SH3PXD2B: variants seen among roughly 807,000 people sequenced by gnomAD.
SH3PXD2B encodes SH3 and PX domain-containing protein 2B.
SH3PXD2B carries 37 observed loss-of-function variants against 73.1 expected under a neutral mutation model. The observed-to-expected ratio is 0.51, with a 90% CI of 0.39 to 0.67. The LOEUF is 0.67. Among genes scored for constraint, SH3PXD2B ranks in the 30% least tolerant of loss-of-function variants. The pLI is 0.00. For missense variants in SH3PXD2B, 1,053 were observed against 1,197.8 expected (o/e 0.88, Z 1.78); for synonymous variants, 457 against 480.5 (o/e 0.95, Z 0.64).
intron 2 of SH3PXD2B, among the ~76,000 whole-genome samples, chr5:172,419,993 A>G (rs1447985695): frequency 6.6e-6 from 1 of 152,190 alleles, no homozygotes; most frequent in Admixed American, 6.5e-5. Context: ...GATCTGGGTA[A>G]AGAATGTGGA....
chr5:172,331,661 G>A (rs1756558337), downstream of SH3PXD2B, among the ~76,000 whole-genome samples: 1 of 152,150 alleles, frequency 6.6e-6, no homozygotes, highest in Non-Finnish European at 1.5e-5. Context: ...GGTTAAAACA[G>A]TATGACGGGG....
At chr5:172,327,106 C>T (rs1487352050) in intron 12 of SH3PXD2B, among the ~76,000 whole-genome samples, 16 of 152,052 alleles carry the variant, frequency 1.1e-4, no homozygotes, top group Non-Finnish European at 2.4e-4. Context: ...GTGATCCGCC[C>T]GCCACGGCCT....
intron 1 of SH3PXD2B, among the ~76,000 whole-genome samples, chr5:172,434,782 G>GTTTTTGT (rs1554087271): frequency 1.5e-5 from 1 of 66,350 alleles, no homozygotes; most frequent in African/African-American, 4.6e-5. Flanking sequence ...ATGGCCAATG[G>GTTTTTGT]TTTTTTTTTT....
Position 172,347,299 on chromosome 5 carries a change from C to T in SH3PXD2B, c.1046G>A (p.Arg349His), listed in dbSNP as rs1393888000. The T allele has an allele frequency of 2.5e-6, 4 of 1,613,940 alleles. No individual in the cohort carries two copies. Among genetic ancestry groups the T allele is most frequent in the Non-Finnish European group, 2.5e-6 (3 of 1,180,002 alleles). ...SPKMRQRPPP[R>H]RDMTIPRGLN... ...TCCACTTACAATGGTCATGTCCCGG[C>T]GAGGAGGGGGTCTCTGCCTCATCTT... is the stretch of plus-strand genomic sequence containing the variant. The change falls in exon 11 of 13, where the codon CGC becomes CAC. Residue 349 changes from arginine to histidine, a missense_variant. Physicochemically the swap from Arg to His is conservative, Grantham distance 29 (BLOSUM62 0). This residue lies in a region of SH3PXD2B where 466 missense variants were observed against 607.1 expected (regional missense o/e 0.77). Transcript: ENST00000311601.
intron 1 of SH3PXD2B, among the ~76,000 whole-genome samples, chr5:172,449,617 A>G (rs979430161): frequency 1.1e-4 from 17 of 152,272 alleles, no homozygotes; most frequent in African/African-American, 3.9e-4. Context: ...GGAAACTCAG[A>G]TAGCCGATAA....
In SH3PXD2B at chr5:172,350,467, A is replaced by C. The variant is rs779254141; in HGVS notation, c.908T>G (p.Val303Gly). Residue 303 changes from valine to glycine, a missense_variant, in exon 10 of 13, where the codon GTT becomes GGT. Val to Gly is a moderately radical substitution (Grantham distance 109, BLOSUM62 -3). Coordinates refer to ENST00000311601, the MANE Select transcript of SH3PXD2B (RefSeq NM_001017995.3). ...SHPGALDLDG[V>G]SRQQNAVGRE... ...GCCCACCGCGTTCTGCTGCCGGGAA[A>C]CACCATCCAAGTCAAGGGCACCCGG... 5 of 1,613,912 alleles carry C rather than the reference A, an allele frequency of 3.1e-6. No homozygotes were observed. The African/African-American group carries it at 6.7e-5, about 22-fold the overall frequency.
intron 12 of SH3PXD2B, among the ~76,000 whole-genome samples, chr5:172,345,556 T>G (rs1756975392): frequency 6.6e-6 from 1 of 152,198 alleles, no homozygotes. Flanking sequence ...ACCCTGGCCC[T>G]AGCTGCCATC....
intron 5 of SH3PXD2B, among the ~76,000 whole-genome samples, chr5:172,380,761 T>C (rs1757924987): frequency 6.6e-6 from 1 of 152,278 alleles, no homozygotes; most frequent in Non-Finnish European, 1.5e-5. Flanking sequence ...TGTTGCCTCT[T>C]ACAGTCTCCC....
chr5:172,345,713 A>T (rs965150600), intron 12 of SH3PXD2B, among the ~76,000 whole-genome samples: 3 of 152,222 alleles, frequency 2.0e-5, no homozygotes, highest in Non-Finnish European at 4.4e-5. Context: ...AGAGAGGAGA[A>T]GCAAGAACGG....
chr5:172,430,316 C>T (rs1759205156), intron 1 of SH3PXD2B, among the ~76,000 whole-genome samples: 3 of 152,240 alleles, frequency 2.0e-5, no homozygotes, highest in Admixed American at 2.0e-4. Context: ...CTGGGCTCTG[C>T]CCTCTCCACC....
intron 1 of SH3PXD2B, among the ~76,000 whole-genome samples, chr5:172,427,689 GGAGATGAAAAAA>G (rs1156702273): frequency 6.6e-6 from 1 of 151,958 alleles, no homozygotes; most frequent in Non-Finnish European, 1.5e-5. Context: ...TTCAGTCTAG[GGAGATGAAAAAA>G]GTTCTGGCGA....
At chr5:172,429,430 C>T (rs1202491867) in intron 1 of SH3PXD2B, among the ~76,000 whole-genome samples, 2 of 152,180 alleles carry the variant, frequency 1.3e-5, no homozygotes, top group East Asian at 3.8e-4. Context: ...CTTCTGTTCC[C>T]AGACAGGATT....
intron 1 of SH3PXD2B, among the ~76,000 whole-genome samples, chr5:172,437,847 C>T (rs560728991): frequency 6.6e-6 from 1 of 152,196 alleles, no homozygotes; most frequent in African/African-American, 2.4e-5. Context: ...TCCGCTTATC[C>T]CTGTGTGCAG....
At chr5:172,422,279 G>A (rs1758984469) in intron 2 of SH3PXD2B, 137 bp downstream of exon 2, 1 of 804,618 alleles carries the variant, frequency 1.2e-6, no homozygotes, top group Admixed American at 2.0e-5. Context: ...ACAGGTGTGA[G>A]CCACCACGCC....
At chr5:172,354,143 G>A in intron 8 of SH3PXD2B, 138 bp from the exon 9 acceptor site, 1 of 752,960 alleles carries the variant, frequency 1.3e-6, no homozygotes, top group South Asian at 1.5e-5. Flanking sequence ...CCCTGACCTA[G>A]CCCTGGACAG....
intron 1 of SH3PXD2B, among the ~76,000 whole-genome samples, chr5:172,434,166 G>A (rs919255285): frequency 6.6e-6 from 1 of 152,082 alleles, no homozygotes; most frequent in Non-Finnish European, 1.5e-5. Context: ...TTGAGGGGAC[G>A]GATACCCCAA....
Position 172,454,497 on chromosome 5 carries a change from G to C in SH3PXD2B, c.-145C>G, listed in dbSNP as rs1759890743. 1 of 221,866 alleles carries C rather than the reference G, an allele frequency of 4.5e-6. No homozygotes were observed. The highest frequency in any genetic ancestry group is 1.5e-4 in the South Asian group (1 of 6,890). 13.7% of individuals were successfully genotyped at this position (221,866 alleles called of 1,614,324 possible). Reference sequence around the variant, plus strand: ...CCGAGCACGAGCCGCCGCCGCCACCGCCGCCGCCCTTCGCTCGGCGCGCAC... The same window carrying C: ...CCGAGCACGAGCCGCCGCCGCCACCCCCGCCGCCCTTCGCTCGGCGCGCAC... On this transcript the variant is annotated 5_prime_UTR_variant, in exon 1 of 13. Coordinates refer to ENST00000311601, the MANE Select transcript of SH3PXD2B (RefSeq NM_001017995.3).
intron 1 of SH3PXD2B, among the ~76,000 whole-genome samples, chr5:172,433,742 C>G (rs1350264911): frequency 6.6e-6 from 1 of 152,170 alleles, no homozygotes; most frequent in Non-Finnish European, 1.5e-5. Flanking sequence ...CTTACAGCCT[C>G]TCTGTTATCT....
Position 172,337,249 on chromosome 5 carries a change from C to A in SH3PXD2B, c.*1120G>T, listed in dbSNP as rs544590613. ...CAGCCACGAATGCCCCCTCACCCCC[C>A]TCACAATGAAGCCACTTGGCCACCA... is the stretch of plus-strand genomic sequence containing the variant. On this transcript the variant is annotated 3_prime_UTR_variant, in exon 13 of 13. Transcript: ENST00000311601. 119 of 985,794 alleles carry A rather than the reference C, an allele frequency of 1.2e-4. No homozygotes were observed. In the African/African-American group the frequency reaches 1.8e-3, roughly 15 times the overall value. 61.1% of individuals were successfully genotyped at this position (985,794 alleles called of 1,614,324 possible).
Sources: gnomAD v4.1 joint callset for allele counts (sites outside exome capture counted in the v4.1 genomes callset) on GRCh38, gnomAD v4.1.1 for gene constraint, gnomAD v4.1.1 regional missense constraint, MANE v1.5 for transcripts, NCBI Gene and HGNC (gene_info 2026-07-23, HGNC 2026-07-21) for gene names.